Variants in CNTN5 observed in about 807,000 individuals in gnomAD.
CNTN5 encodes contactin-5.
Under a neutral mutation model 129.1 loss-of-function variants are expected in CNTN5, and 77 were observed. That is an observed-to-expected ratio of 0.60 (90% CI 0.50 to 0.72). The LOEUF is 0.72. Among genes scored for constraint, CNTN5 ranks in the 30% least tolerant of loss-of-function variants. CNTN5 has a pLI of 0.00. For synonymous variants in CNTN5, 509 were observed against 465.6 expected (o/e 1.09, Z -1.20); for missense variants, 1,478 against 1,328.8 (o/e 1.11, Z -1.75).
At chr11:100,252,426 T>G (rs745364679) in intron 16 of CNTN5, among the ~76,000 whole-genome samples, 1 of 152,152 alleles carries the variant, frequency 6.6e-6, no homozygotes, top group Non-Finnish European at 1.5e-5. Context: ...GGTATAATCC[T>G]ATTTGTTTAT....
At chr11:99,035,358 C>T (rs1425481006) in intron 1 of CNTN5, among the ~76,000 whole-genome samples, 3 of 151,926 alleles carry the variant, frequency 2.0e-5, no homozygotes, top group African/African-American at 2.4e-5. Context: ...CTGTCTAATG[C>T]TGACAGTGGG....
intron 2 of CNTN5, among the ~76,000 whole-genome samples, chr11:99,426,439 C>A (rs867921810): frequency 6.6e-6 from 1 of 152,150 alleles, no homozygotes; most frequent in South Asian, 2.1e-4. Flanking sequence ...ATGAGGCCAG[C>A]TAAATATGTT....
chr11:99,357,202 C>T (rs912979411), intron 2 of CNTN5, among the ~76,000 whole-genome samples: 6 of 151,874 alleles, frequency 4.0e-5, no homozygotes, highest in Non-Finnish European at 8.8e-5. Flanking sequence ...TTTAAATTCT[C>T]TCATATTACT....
intron 13 of CNTN5, among the ~76,000 whole-genome samples, chr11:100,175,055 T>C (rs959536431): frequency 6.6e-6 from 1 of 152,140 alleles, no homozygotes; most frequent in Non-Finnish European, 1.5e-5. Context: ...ATTTCCATCA[T>C]CTGTAGGAAA....
At chr11:99,570,410 G>A (rs370052356) in intron 3 of CNTN5, among the ~76,000 whole-genome samples, 100 of 152,252 alleles carry the variant, frequency 6.6e-4, no homozygotes, top group African/African-American at 2.2e-3. Flanking sequence ...GTTCTTCTAA[G>A]AAACATCATA....
chr11:100,341,911 T>A (rs1474267924), intron 23 of CNTN5, among the ~76,000 whole-genome samples: 1 of 151,266 alleles, frequency 6.6e-6, no homozygotes, highest in African/African-American at 2.4e-5. Context: ...ATATTTTTAA[T>A]ATAATAAAAT....
At chr11:99,761,996 T>G (rs553466012) in intron 3 of CNTN5, among the ~76,000 whole-genome samples, 48 of 116,404 alleles carry the variant, frequency 4.1e-4, no homozygotes, top group African/African-American at 1.4e-3. Flanking sequence ...GGTTTTGATT[T>G]GCATTTCTCT....
At chr11:99,645,257 C>G (rs1296359494) in intron 3 of CNTN5, among the ~76,000 whole-genome samples, 6 of 26,826 alleles carry the variant, frequency 2.2e-4, no homozygotes, top group African/African-American at 8.4e-4. Flanking sequence ...GAGGCTCCAT[C>G]TCAACAAAAA....
chr11:99,724,838 G>C (rs938146155), intron 3 of CNTN5, among the ~76,000 whole-genome samples: 1 of 152,070 alleles, frequency 6.6e-6, no homozygotes, highest in Non-Finnish European at 1.5e-5. Flanking sequence ...GACAAAAGTA[G>C]GTTACTATAC....
chr11:99,181,532 C>T (rs554982433), intron 1 of CNTN5, among the ~76,000 whole-genome samples: 79 of 152,270 alleles, frequency 5.2e-4, no homozygotes, highest in African/African-American at 1.7e-3. Flanking sequence ...TAGCCAGTAC[C>T]GACTGCAGTT....
intron 3 of CNTN5, among the ~76,000 whole-genome samples, chr11:99,753,742 G>T (rs553757272): frequency 2.2e-4 from 32 of 143,586 alleles, no homozygotes; most frequent in African/African-American, 7.8e-4. Flanking sequence ...AGGCTTGGGT[G>T]CAGTGTCATG....
intron 2 of CNTN5, among the ~76,000 whole-genome samples, chr11:99,546,714 G>C (rs1948304816): frequency 6.6e-6 from 1 of 152,018 alleles, no homozygotes; most frequent in African/African-American, 2.4e-5. Flanking sequence ...TCCTTTCACT[G>C]ACCTATGGAT....
At chr11:99,500,184 T>C (rs1443071017) in intron 2 of CNTN5, among the ~76,000 whole-genome samples, 1 of 152,180 alleles carries the variant, frequency 6.6e-6, no homozygotes, top group African/African-American at 2.4e-5. Flanking sequence ...GTAATTGTGA[T>C]TTTTGCCACT....
At chr11:99,625,243 G>T (rs1951087012) in intron 3 of CNTN5, among the ~76,000 whole-genome samples, 1 of 152,144 alleles carries the variant, frequency 6.6e-6, no homozygotes, top group Non-Finnish European at 1.5e-5. Flanking sequence ...ACTGAATGAT[G>T]AGAATTAACT....
At chr11:99,334,027 A>T (rs1368059771) in intron 2 of CNTN5, among the ~76,000 whole-genome samples, 1 of 151,988 alleles carries the variant, frequency 6.6e-6, no homozygotes, top group Non-Finnish European at 1.5e-5. Context: ...TTAAAAATAT[A>T]AATTATCAAG....
intron 1 of CNTN5, among the ~76,000 whole-genome samples, chr11:99,024,472 G>A (rs1474482282): frequency 1.3e-5 from 2 of 152,010 alleles, no homozygotes; most frequent in Non-Finnish European, 1.5e-5. Context: ...TTGAAGTATT[G>A]AATTGAATCC....
chr11:99,516,639 C>T (rs1009984870), intron 2 of CNTN5, among the ~76,000 whole-genome samples: 2 of 152,002 alleles, frequency 1.3e-5, no homozygotes, highest in African/African-American at 4.8e-5. Context: ...TCTTTCATGG[C>T]TGTTGATATA....
chr11:99,350,339 A>G (rs1250664584), intron 2 of CNTN5, among the ~76,000 whole-genome samples: 2 of 152,178 alleles, frequency 1.3e-5, no homozygotes, highest in Admixed American at 6.5e-5. Context: ...AGATGTTGGA[A>G]CTCACATTCA....
intron 2 of CNTN5, among the ~76,000 whole-genome samples, chr11:99,429,032 A>G (rs966258399): frequency 1.3e-5 from 2 of 152,190 alleles, no homozygotes; most frequent in Non-Finnish European, 1.5e-5. Flanking sequence ...TTGACAGCTT[A>G]TAATATCTAG....
Sources: allele counts gnomAD v4.1 joint callset (sites outside exome capture counted in the v4.1 genomes callset), GRCh38; gene constraint gnomAD v4.1.1; transcripts MANE v1.5; gene names NCBI Gene and HGNC (gene_info 2026-07-23, HGNC 2026-07-21).